Variants in PPP1R17 observed in about 807,000 individuals in gnomAD.
The protein encoded by PPP1R17 is G-substrate.
A neutral mutation model predicts 15.9 loss-of-function variants in PPP1R17; 12 were observed. The ratio of observed to expected loss-of-function variants is 0.75; its 90% confidence interval spans 0.48 to 1.22. The LOEUF is 1.22. Ranked by LOEUF, PPP1R17 falls within the 50% of genes most tolerant of loss-of-function variation. The pLI, the probability that PPP1R17 is intolerant of heterozygous loss-of-function variation, is 0.00. For missense variants in PPP1R17, 211 were observed against 187.3 expected (o/e 1.13, Z -0.74); for synonymous variants, 63 against 64.5 (o/e 0.98, Z 0.11).
intron 2 of PPP1R17, among the ~76,000 whole-genome samples, chr7:31,694,809 C>T (rs923914011): frequency 5.9e-5 from 9 of 151,980 alleles, no homozygotes; most frequent in African/African-American, 1.5e-4. Context: ...CTGATAGACT[C>T]GATGTAAAAG....
At chr7:31,693,628 C>T (rs1349773453) in intron 2 of PPP1R17, among the ~76,000 whole-genome samples, 1 of 152,094 alleles carries the variant, frequency 6.6e-6, no homozygotes, top group African/African-American at 2.4e-5. Flanking sequence ...GGATGGTATT[C>T]ATATTTAACA....
rs371988695 is a variant in PPP1R17, at chr7:31,695,729, G to C, written c.235+108G>C. 2.7e-6 allele frequency: 3 copies of C among 1,120,286 alleles called. No individual in the cohort carries two copies. The South Asian group carries it at 4.8e-5, about 18-fold the overall frequency. 69.4% of individuals were successfully genotyped at this position (1,120,286 alleles called of 1,614,324 possible). Reference sequence around the variant, plus strand: ...ATATTCAGGTATTTTAAAGTAATTTGTGCACTCCCCACCTCTGTATCTCTG... The same window carrying C: ...ATATTCAGGTATTTTAAAGTAATTTCTGCACTCCCCACCTCTGTATCTCTG... On this transcript the variant is annotated intron_variant, in intron 3 of 4. Transcript: ENST00000342032.
intron 4 of PPP1R17, among the ~76,000 whole-genome samples, chr7:31,699,089 G>T (rs1792735490): frequency 6.6e-6 from 1 of 152,152 alleles, no homozygotes; most frequent in Non-Finnish European, 1.5e-5. Flanking sequence ...TAAATATTTG[G>T]TGCTAAAGCA....
intron 3 of PPP1R17, chr7:31,696,155 T>A (rs555577848): frequency 6.6e-6 from 1 of 152,500 alleles, no homozygotes; most frequent in South Asian, 2.1e-4. Flanking sequence ...CATGTCTCTG[T>A]AACACCCTTG....
chr7:31,689,198 T>G (rs1017286741), intron 1 of PPP1R17, among the ~76,000 whole-genome samples: 2 of 152,176 alleles, frequency 1.3e-5, no homozygotes, highest in Non-Finnish European at 2.9e-5. Context: ...GTGTGAGTGT[T>G]AGAATTCAGA....
intron 4 of PPP1R17, among the ~76,000 whole-genome samples, chr7:31,700,996 G>A (rs574891889): frequency 6.6e-6 from 1 of 152,318 alleles, no homozygotes; most frequent in Admixed American, 6.5e-5. Context: ...GATTAATGTT[G>A]TTTTCATGCC....
intron 4 of PPP1R17, 33 bp downstream of exon 4, chr7:31,697,150 G>C (rs1562699440): frequency 6.2e-7 from 1 of 1,610,904 alleles, no homozygotes; most frequent in Admixed American, 1.7e-5. Flanking sequence ...TTTGCAGGGG[G>C]TGATGGGGAC....
chr7:31,706,264 C>T (rs1793067092), intron 4 of PPP1R17, among the ~76,000 whole-genome samples: 1 of 151,856 alleles, frequency 6.6e-6, no homozygotes, highest in African/African-American at 2.4e-5. Flanking sequence ...CTTGGCCTCT[C>T]AAGGTGCTGG....
At chr7:31,703,634 T>C (rs952936206) in intron 4 of PPP1R17, among the ~76,000 whole-genome samples, 2 of 152,230 alleles carry the variant, frequency 1.3e-5, no homozygotes, top group African/African-American at 2.4e-5. Flanking sequence ...GTAATCAAAA[T>C]GGTAGTTAAG....
At chr7:31,699,641 GT>G (rs796251946) in intron 4 of PPP1R17, among the ~76,000 whole-genome samples, 24 of 147,652 alleles carry the variant, frequency 1.6e-4, no homozygotes, top group South Asian at 4.3e-4. Context: ...GATATTGGTG[GT>G]TTTTTTTTTA....
chr7:31,703,837 A>G (rs1792956373), intron 4 of PPP1R17, among the ~76,000 whole-genome samples: 1 of 152,180 alleles, frequency 6.6e-6, no homozygotes, highest in South Asian at 2.1e-4. Context: ...TTAGTTAATG[A>G]GCTTACTTGA....
At chr7:31,688,479 T>A (rs931710099) in intron 1 of PPP1R17, among the ~76,000 whole-genome samples, 1 of 152,238 alleles carries the variant, frequency 6.6e-6, no homozygotes, top group African/African-American at 2.4e-5. Flanking sequence ...CTGAACCAAC[T>A]AATGTGTTTC....
At chr7:31,697,167 A>G in intron 4 of PPP1R17, 50 bp downstream of exon 4, 1 of 1,594,830 alleles carries the variant, frequency 6.3e-7, no homozygotes, top group Non-Finnish European at 8.5e-7. Context: ...GGACAGGTCA[A>G]GAACCTTACC....
At chr7:31,690,263 A>C in intron 1 of PPP1R17, among the ~76,000 whole-genome samples, 1 of 152,350 alleles carries the variant, frequency 6.6e-6, no homozygotes, top group Admixed American at 6.5e-5. Flanking sequence ...ACATTACATA[A>C]AAATAGCTGC....
At chr7:31,701,817 A>AT (rs1792859924) in intron 4 of PPP1R17, among the ~76,000 whole-genome samples, 1 of 152,226 alleles carries the variant, frequency 6.6e-6, no homozygotes, top group African/African-American at 2.4e-5. Context: ...GCAATAAAGT[A>AT]TTTTTAAATT....
chr7:31,707,005 C>T (rs543185996), intron 4 of PPP1R17, among the ~76,000 whole-genome samples, 199 bp from the exon 5 acceptor site: 4 of 152,152 alleles, frequency 2.6e-5, no homozygotes, highest in Admixed American at 6.5e-5. Context: ...TAACCAGAAT[C>T]GTGTCCTCAT....
chr7:31,697,878 A>T (rs1792667870), intron 4 of PPP1R17, among the ~76,000 whole-genome samples: 1 of 152,218 alleles, frequency 6.6e-6, no homozygotes, highest in African/African-American at 2.4e-5. Context: ...AGACTAAGAA[A>T]CAGAGAATTT....
chr7:31,703,774 G>T (rs1419337179), intron 4 of PPP1R17, among the ~76,000 whole-genome samples: 1 of 152,142 alleles, frequency 6.6e-6, no homozygotes, highest in African/African-American at 2.4e-5. Context: ...AGTGAAAACT[G>T]GACAAGGATC....
At chr7:31,702,367 C>G (rs555021452) in intron 4 of PPP1R17, among the ~76,000 whole-genome samples, 2 of 152,142 alleles carry the variant, frequency 1.3e-5, no homozygotes, top group East Asian at 3.9e-4. Flanking sequence ...GGTCCAAGGA[C>G]CGGGGGAGGC....
Sources: gnomAD v4.1 joint callset for allele counts (sites outside exome capture counted in the v4.1 genomes callset) on GRCh38, gnomAD v4.1.1 for gene constraint, MANE v1.5 for transcripts, NCBI Gene and HGNC (gene_info 2026-07-23, HGNC 2026-07-21) for gene names.